LDLRAD4: variants seen among roughly 807,000 people sequenced by gnomAD.
LDLRAD4 encodes low density lipoprotein receptor class A domain containing 4.
LDLRAD4 carries 5 observed loss-of-function variants against 17.0 expected under a neutral mutation model. The observed-to-expected ratio is 0.29, with a 90% confidence interval of 0.15 to 0.62. The LOEUF (loss-of-function observed/expected upper bound fraction) is 0.62. Ranked by LOEUF, LDLRAD4 falls within the 20% of genes least tolerant of loss-of-function variation. The pLI is 0.84. For missense variants in LDLRAD4, 340 were observed against 424.7 expected (o/e 0.80, Z 1.75); for synonymous variants, 168 against 171.8 (o/e 0.98, Z 0.17).
At chr18:13,569,261 C>T (rs1568351969) in intron 3 of LDLRAD4, among the ~76,000 whole-genome samples, 1 of 149,204 alleles carries the variant, frequency 6.7e-6, no homozygotes, top group African/African-American at 2.5e-5. Context: ...CCCAGGGCCG[C>T]CCCATCCTGC....
intron 1 of LDLRAD4, among the ~76,000 whole-genome samples, chr18:13,232,642 A>G (rs1250241738): frequency 6.6e-6 from 1 of 151,548 alleles, no homozygotes; most frequent in Non-Finnish European, 1.5e-5. Flanking sequence ...TCAGCTATTC[A>G]CTGTTGTCTG....
intron 3 of LDLRAD4, among the ~76,000 whole-genome samples, chr18:13,523,602 C>T (rs988794605): frequency 6.6e-6 from 1 of 152,188 alleles, no homozygotes. Flanking sequence ...TGTGGTGGAA[C>T]GTAGTCTCCT....
In LDLRAD4 at chr18:13,266,791, G is replaced by A. The variant is rs117640355; in HGVS notation, c.-466-11314G>A. Among the ~76,000 whole-genome samples the A allele has an allele frequency of 4.6e-5, 7 of 152,374 alleles. No individual in the cohort carries two copies. The East Asian group carries it at 5.8e-4, about 13-fold the overall frequency. On this transcript the variant is annotated intron_variant, in intron 1 of 5. Coordinates refer to the LDLRAD4 transcript ENST00000399848. Reference sequence around the variant, plus strand: ...CACACTACCCTTGGAGCTGCCTTCCGAGTGTAAGTTACAGTTTCAGTCACA... The same window carrying A: ...CACACTACCCTTGGAGCTGCCTTCCAAGTGTAAGTTACAGTTTCAGTCACA...
intron 1 of LDLRAD4, among the ~76,000 whole-genome samples, chr18:13,308,505 C>T (rs1278204349): frequency 6.6e-6 from 1 of 152,218 alleles, no homozygotes; most frequent in Non-Finnish European, 1.5e-5. Context: ...TTCCTGGGGC[C>T]TGTGCTGGTG....
At chr18:13,361,831 G>A (rs1309219847) in intron 1 of LDLRAD4, among the ~76,000 whole-genome samples, 1 of 152,162 alleles carries the variant, frequency 6.6e-6, no homozygotes, top group Non-Finnish European at 1.5e-5. Flanking sequence ...CCCCCAGCCA[G>A]CCAGAGCAGG....
chr18:13,450,337 CAA>C (rs58528433), intron 3 of LDLRAD4, among the ~76,000 whole-genome samples: 2 of 115,600 alleles, frequency 1.7e-5, no homozygotes, highest in Admixed American at 1.7e-4. Context: ...CCCCCCCCCC[CAA>C]AAAAACACAC....
chr18:13,388,766 C>A (rs2086030703), intron 2 of LDLRAD4, among the ~76,000 whole-genome samples: 1 of 152,230 alleles, frequency 6.6e-6, no homozygotes, highest in Admixed American at 6.5e-5. Context: ...AGATGGAGCG[C>A]CGCTGTGGTG....
intron 1 of LDLRAD4, among the ~76,000 whole-genome samples, chr18:13,346,376 G>A (rs1306299587): frequency 4.4e-4 from 67 of 152,180 alleles, no homozygotes; most frequent in Non-Finnish European, 4.4e-5. Flanking sequence ...TTTCCATGTA[G>A]TTGAGTGGTT....
intron 3 of LDLRAD4, among the ~76,000 whole-genome samples, chr18:13,536,493 ATTTG>A (rs1237046531): frequency 1.3e-5 from 2 of 152,022 alleles, no homozygotes; most frequent in African/African-American, 4.8e-5. Context: ...AAACTCCTTT[ATTTG>A]TTCTAGTAGC....
chr18:13,399,988 G>A (rs780324457), intron 2 of LDLRAD4, among the ~76,000 whole-genome samples: 1 of 152,138 alleles, frequency 6.6e-6, no homozygotes, highest in African/African-American at 2.4e-5. Flanking sequence ...CAAACATGTC[G>A]CTGAGCAGTT....
At chr18:13,438,980 C>T (rs1442101760) in intron 3 of LDLRAD4, among the ~76,000 whole-genome samples, 1 of 152,206 alleles carries the variant, frequency 6.6e-6, no homozygotes, top group Admixed American at 6.5e-5. Flanking sequence ...AAGAAGGCAG[C>T]TTTGAAAGCC....
At chr18:13,286,451 C>A (rs893101275) in intron 1 of LDLRAD4, among the ~76,000 whole-genome samples, 1 of 152,324 alleles carries the variant, frequency 6.6e-6, no homozygotes, top group Admixed American at 6.5e-5. Flanking sequence ...TAGCTCACTG[C>A]AGCCTCAACT....
chr18:13,395,695 G>A (rs1390159441), intron 2 of LDLRAD4, among the ~76,000 whole-genome samples: 16 of 101,030 alleles, frequency 1.6e-4, no homozygotes, highest in African/African-American at 5.6e-4. Context: ...GGCGTTGGGT[G>A]GGGAGCTGGC....
chr18:13,610,925 A>G (rs911247679), intron 3 of LDLRAD4, among the ~76,000 whole-genome samples: 7 of 152,178 alleles, frequency 4.6e-5, no homozygotes, highest in African/African-American at 1.7e-4. Flanking sequence ...GAAGAATCAT[A>G]CCATCCGGAT....
chr18:13,549,698 T>C (rs1290368), intron 3 of LDLRAD4, among the ~76,000 whole-genome samples: 149,693 of 151,946 alleles, frequency 0.99, 73,771 homozygotes, highest in Middle Eastern at 1. Context: ...AAATTAGCCC[T>C]GGCTGGACCA....
chr18:13,598,546 G>A (rs1272593685), intron 3 of LDLRAD4, among the ~76,000 whole-genome samples: 2 of 152,194 alleles, frequency 1.3e-5, no homozygotes, highest in South Asian at 2.1e-4. Context: ...ACCCCAGAAA[G>A]GTTCTTCTTA....
At chr18:13,346,353 GC>G (rs998537731) in intron 1 of LDLRAD4, among the ~76,000 whole-genome samples, 2 of 152,186 alleles carry the variant, frequency 1.3e-5, no homozygotes, top group African/African-American at 4.8e-5. Context: ...ACATTCAGGA[GC>G]AGGTTGTTCA....
chr18:13,372,949 G>C (rs538030066), intron 1 of LDLRAD4, among the ~76,000 whole-genome samples: 2 of 152,338 alleles, frequency 1.3e-5, no homozygotes, highest in South Asian at 4.1e-4. Flanking sequence ...CTGGGCTCCA[G>C]TTGCGTCTTC....
intron 3 of LDLRAD4, among the ~76,000 whole-genome samples, chr18:13,463,997 G>A (rs574342773): frequency 2.0e-5 from 3 of 152,314 alleles, no homozygotes; most frequent in East Asian, 1.9e-4. Context: ...GAAACTGGGG[G>A]AAATAGACTT....
Sources: gnomAD v4.1 joint callset for allele counts (sites outside exome capture counted in the v4.1 genomes callset) on GRCh38, gnomAD v4.1.1 for gene constraint, MANE v1.5 for transcripts, NCBI Gene and HGNC (gene_info 2026-07-23, HGNC 2026-07-21) for gene names.